Variants in STXBP5L observed in about 807,000 individuals in gnomAD.
STXBP5L encodes syntaxin binding protein 5L.
STXBP5L carries 65 observed loss-of-function variants against 144.5 expected under a neutral mutation model. That is an observed-to-expected ratio of 0.45 (90% CI 0.37 to 0.55). STXBP5L has a LOEUF of 0.55. Among genes scored for constraint, STXBP5L ranks in the 20% least tolerant of loss-of-function variants. STXBP5L has a pLI of 0.00. For missense variants in STXBP5L, 1,298 were observed against 1,405.5 expected, an observed-to-expected ratio of 0.92 and a Z score of 1.22; for synonymous variants, 505 against 469.6, an observed-to-expected ratio of 1.08 and a Z score of -0.97.
At position 120,928,789 on chromosome 3, in the gene STXBP5L, A is replaced by G. The variant is rs184402051; in HGVS notation, c.189+19022A>G. 3.3e-4 allele frequency among the ~76,000 whole-genome samples: 51 copies of G among 152,260 alleles called. No individual in the cohort carries two copies. In the East Asian group the frequency reaches 9.8e-3, roughly 29 times the overall value. ...AGAGAAAAAAACTTCAAAAGTATCC[A>G]TACTTCAAACATGCAGATGCAGGCA... On this transcript the variant is annotated intron_variant, in intron 2 of 26. Coordinates refer to ENST00000471454, the MANE Select transcript of STXBP5L (RefSeq NM_001308330.2).
At chr3:120,939,581 T>A (rs753476193) in intron 2 of STXBP5L, among the ~76,000 whole-genome samples, 1 of 152,150 alleles carries the variant, frequency 6.6e-6, no homozygotes, top group Non-Finnish European at 1.5e-5. Flanking sequence ...CTCAGTGGAC[T>A]GTTTGAAATG....
At chr3:121,413,133 T>C (rs771933633) in intron 23 of STXBP5L, 25 bp from the exon 24 acceptor site, 3 of 1,541,682 alleles carry the variant, frequency 1.9e-6, no homozygotes, top group South Asian at 1.3e-5. Context: ...GCATATGATA[T>C]ATGGATTTAC....
chr3:121,216,304 T>C (rs2048773973), intron 10 of STXBP5L, among the ~76,000 whole-genome samples: 1 of 152,194 alleles, frequency 6.6e-6, no homozygotes, highest in Admixed American at 6.5e-5. Context: ...TTTTATACTT[T>C]TTTGTCTCAT....
chr3:121,189,758 T>C (rs1229545245), intron 9 of STXBP5L, among the ~76,000 whole-genome samples: 1 of 152,076 alleles, frequency 6.6e-6, no homozygotes, highest in East Asian at 1.9e-4. Context: ...TTGTTTGTTA[T>C]TTGATTCCCT....
chr3:120,941,275 T>G (rs2107652811), intron 2 of STXBP5L, among the ~76,000 whole-genome samples: 1 of 151,920 alleles, frequency 6.6e-6, no homozygotes. Context: ...ACACAGGTAG[T>G]AAAGAATAAT....
rs544109752 is a variant in STXBP5L, at chr3:121,043,717, C to G, written c.370-1718C>G. Among the ~76,000 whole-genome samples, 45 of 152,010 alleles carry G rather than the reference C, an allele frequency of 3.0e-4. No individual in the cohort carries two copies. The South Asian group carries it at 4.6e-3, about 15-fold the overall frequency. ...AGCGAGACTCCATCTCAAAAACAAA[C>G]AAACAAACAAAAAAAGAATACTGAG... is the stretch of plus-strand genomic sequence containing the variant. On this transcript the variant is annotated intron_variant, in intron 4 of 26. Coordinates refer to ENST00000471454, the MANE Select transcript of STXBP5L (RefSeq NM_001308330.2).
At chr3:121,304,364 T>C (rs2043262651) in intron 19 of STXBP5L, among the ~76,000 whole-genome samples, 1 of 152,042 alleles carries the variant, frequency 6.6e-6, no homozygotes, top group African/African-American at 2.4e-5. Context: ...CTAAAGCAAC[T>C]CTCTTGGCCA....
intron 11 of STXBP5L, among the ~76,000 whole-genome samples, chr3:121,225,009 A>T (rs2049077783): frequency 6.6e-6 from 1 of 152,188 alleles, no homozygotes; most frequent in Non-Finnish European, 1.5e-5. Flanking sequence ...CAATGTAACC[A>T]TTCCTATTCA....
intron 7 of STXBP5L, among the ~76,000 whole-genome samples, chr3:121,148,191 A>G (rs1032361727): frequency 6.6e-6 from 1 of 152,158 alleles, no homozygotes; most frequent in African/African-American, 2.4e-5. Context: ...AATAGAAAAC[A>G]AAAATTTAGT....
At chr3:121,173,932 G>A (rs1240529534) in intron 9 of STXBP5L, among the ~76,000 whole-genome samples, 1 of 151,902 alleles carries the variant, frequency 6.6e-6, no homozygotes, top group East Asian at 1.9e-4. Context: ...TAAGGTTTTT[G>A]ATATTGCACT....
intron 3 of STXBP5L, among the ~76,000 whole-genome samples, chr3:121,031,555 C>G (rs1946371910): frequency 6.6e-6 from 1 of 152,032 alleles, no homozygotes. Flanking sequence ...AGTCTGGAGT[C>G]AGAATTCTTT....
chr3:120,989,986 G>C (rs928808666), intron 3 of STXBP5L, among the ~76,000 whole-genome samples: 1 of 152,050 alleles, frequency 6.6e-6, no homozygotes, highest in African/African-American at 2.4e-5. Flanking sequence ...GGAAATAAAG[G>C]GTATTCAATT....
chr3:121,084,680 A>G (rs2042405683), intron 5 of STXBP5L, among the ~76,000 whole-genome samples: 1 of 152,146 alleles, frequency 6.6e-6, no homozygotes, highest in Admixed American at 6.5e-5. Flanking sequence ...TCATACATGT[A>G]TCTTTATAAT....
chr3:121,363,565 G>GT (rs1463351713), intron 20 of STXBP5L, among the ~76,000 whole-genome samples: 1 of 151,996 alleles, frequency 6.6e-6, no homozygotes, highest in African/African-American at 2.4e-5. Flanking sequence ...CACAATTGCT[G>GT]TTTTCTCCCT....
At chr3:120,994,916 G>T (rs1213391239) in intron 3 of STXBP5L, among the ~76,000 whole-genome samples, 2 of 151,910 alleles carry the variant, frequency 1.3e-5, no homozygotes, top group Non-Finnish European at 2.9e-5. Flanking sequence ...GCTTTTCTTT[G>T]TTGGAAGACT....
intron 6 of STXBP5L, among the ~76,000 whole-genome samples, chr3:121,118,987 A>G (rs973151665): frequency 6.6e-6 from 1 of 151,458 alleles, no homozygotes; most frequent in Non-Finnish European, 1.5e-5. Flanking sequence ...AGGTAATGAG[A>G]GAGATCAGAA....
intron 3 of STXBP5L, among the ~76,000 whole-genome samples, chr3:120,975,131 G>T (rs940835492): frequency 6.6e-6 from 1 of 152,244 alleles, no homozygotes; most frequent in East Asian, 1.9e-4. Context: ...AATTACCTTG[G>T]GCAGTGTGGC....
intron 3 of STXBP5L, among the ~76,000 whole-genome samples, chr3:120,996,030 A>G (rs1349178078): frequency 1.3e-5 from 2 of 152,112 alleles, no homozygotes; most frequent in Non-Finnish European, 2.9e-5. Context: ...CTGGGTGTAG[A>G]ATACACAATT....
rs1242003367 is a variant in STXBP5L, at chr3:121,423,196, G to A, written c.*4099G>A. The A allele has an allele frequency of 6.6e-6, 1 of 152,198 alleles. No homozygotes were observed. The highest frequency in any genetic ancestry group is 1.5e-5 in the Non-Finnish European group (1 of 68,080). 9.4% of individuals were successfully genotyped at this position (152,198 alleles called of 1,614,324 possible). On this transcript the variant is annotated 3_prime_UTR_variant, in exon 27 of 27. Transcript: ENST00000471454. ...TTGGTATCTGTGTCAGGAGAAACGT[G>A]GTGGCTTTCACAGCTTCTTCACCTC...
Sources: gnomAD v4.1 joint callset for allele counts (sites outside exome capture counted in the v4.1 genomes callset) on GRCh38, gnomAD v4.1.1 for gene constraint, MANE v1.5 for transcripts, NCBI Gene and HGNC (gene_info 2026-07-23, HGNC 2026-07-21) for gene names.